The following DNAJA2 variants were observed in gnomAD, a reference collection of about 807,000 sequenced individuals.
DNAJA2 encodes the protein DnaJ heat shock protein family (Hsp40) member A2.
Under a neutral mutation model 49.3 loss-of-function variants are expected in DNAJA2, and 6 were observed. The ratio of observed to expected loss-of-function variants is 0.12; its 90% CI spans 0.07 to 0.24. The LOEUF is 0.24. DNAJA2 is among the 10% of genes least tolerant of loss of function. The pLI is 1.00. For synonymous variants in DNAJA2, 160 were observed against 172.7 expected, an observed-to-expected ratio of 0.93 and a Z score of 0.58; for missense variants, 347 against 516.8, an observed-to-expected ratio of 0.67 and a Z score of 3.19.
At chr16:46,970,207 G>C (rs1962024776) in intron 3 of DNAJA2, among the ~76,000 whole-genome samples, 1 of 152,200 alleles carries the variant, frequency 6.6e-6, no homozygotes, top group Admixed American at 6.5e-5. Context: ...TTTGCAAAGT[G>C]AAACAGCTAT....
At chr16:46,964,929 G>A (rs1961947426) in intron 5 of DNAJA2, 122 bp from the exon 6 acceptor site, 1 of 807,072 alleles carries the variant, frequency 1.2e-6, no homozygotes, top group African/African-American at 1.8e-5. Context: ...ATTCAAAGCA[G>A]CATTCTGAGG....
rs1364509558 is a variant in DNAJA2 at position 46,958,925 on chromosome 16, C to T, written c.1047+78G>A. The T allele has an allele frequency of 4.7e-6, 7 of 1,497,768 alleles. No individual in the cohort carries two copies. In the East Asian group the frequency reaches 1.6e-4, roughly 34 times the overall value. The allele number at this position is 1,497,768 out of a possible 1,614,324, so 92.8% of individuals were successfully genotyped here. The stretch of plus-strand genomic sequence containing the variant: ...CACCACTACACCCCAGCCTGGGTGA[C>T]AGAGACCCTGTCTAAAAAACCAAAA... On this transcript the variant is annotated intron_variant, in intron 8 of 8. Coordinates refer to ENST00000317089, the MANE Select transcript of DNAJA2 (RefSeq NM_005880.4).
chr16:46,956,770 AT>A lies in DNAJA2; in HGVS notation c.*258del. ...ACAGATACCAGGATTGAAACTTATA[AT>A]AATCCATGTGTGAAAGGGAGTCTTG... On this transcript the variant is annotated 3_prime_UTR_variant, in exon 9 of 9. Transcript: ENST00000317089. The A allele has an allele frequency of 2.8e-6, 1 of 362,054 alleles. No homozygotes were observed. Among genetic ancestry groups the A allele is most frequent in the Non-Finnish European group, 5.0e-6 (1 of 200,126 alleles). The allele number at this position is 362,054 out of a possible 1,614,324, so 22.4% of individuals were successfully genotyped here. A position where few individuals can be genotyped will look rare whatever the true frequency, so the allele number is the denominator to read the frequency against.
intron 8 of DNAJA2, 108 bp from the exon 9 acceptor site, chr16:46,957,328 T>C: frequency 9.5e-7 from 1 of 1,056,850 alleles, no homozygotes; most frequent in East Asian, 2.4e-5. Flanking sequence ...GGGCTGGGTG[T>C]GGTGGTTCAT....
chr16:46,971,132 C>A (rs1446546259), intron 3 of DNAJA2, among the ~76,000 whole-genome samples: 3 of 152,096 alleles, frequency 2.0e-5, no homozygotes, highest in Non-Finnish European at 4.4e-5. Flanking sequence ...AAACCACCTT[C>A]CTCTCATTAA....
At position 46,973,536 on chromosome 16, in the gene DNAJA2, G is replaced by A; in HGVS notation, c.37C>T (p.Leu13=). ...NVADTKLYDI[L]GVPPGASENE... ...TCGCTGGCGCCGGGCGGGACGCCCA[G>A]GATGTCGTACAGCTTCGTGTCAGCC... The change falls in exon 1 of 9, where the codon CTG becomes TTG. Residue 13 remains leucine, a synonymous_variant. Transcript: ENST00000317089. The A allele has an allele frequency of 6.2e-7, 1 of 1,603,006 alleles. No homozygotes were observed. The highest frequency in any genetic ancestry group is 8.5e-7 in the Non-Finnish European group (1 of 1,177,816).
chr16:46,961,200 C>T (rs748723047), intron 6 of DNAJA2, among the ~76,000 whole-genome samples: 2 of 151,654 alleles, frequency 1.3e-5, no homozygotes, highest in Non-Finnish European at 2.9e-5. Context: ...GTCATCATGG[C>T]GAAATTCTGT....
chr16:46,972,721 T>G (rs1962071747), intron 1 of DNAJA2: 1 of 152,264 alleles, frequency 6.6e-6, no homozygotes, highest in South Asian at 2.1e-4. Flanking sequence ...CTGTGGGGCT[T>G]AAATGCCTCG....
At chr16:46,963,849 GT>G (rs781026271) in intron 6 of DNAJA2, among the ~76,000 whole-genome samples, 1 of 152,150 alleles carries the variant, frequency 6.6e-6, no homozygotes, top group Non-Finnish European at 1.5e-5. Context: ...GAGCAGCAGA[GT>G]TTCACAGTGA....
chr16:46,971,048 AGAG>A (rs1285312017), intron 3 of DNAJA2, among the ~76,000 whole-genome samples: 4 of 141,200 alleles, frequency 2.8e-5, no homozygotes, highest in Non-Finnish European at 3.3e-5. Flanking sequence ...AAAAAAAAAA[AGAG>A]AGAGAGAGAA....
intron 7 of DNAJA2, 44 bp from the exon 8 acceptor site, chr16:46,959,174 G>A (rs1270442639): frequency 3.2e-6 from 5 of 1,575,278 alleles, no homozygotes; most frequent in Non-Finnish European, 4.3e-6. Context: ...CCCAAAAGAG[G>A]TGTTCAATTT....
intron 1 of DNAJA2, among the ~76,000 whole-genome samples, chr16:46,973,280 C>T (rs1266344403): frequency 6.6e-6 from 1 of 151,316 alleles, no homozygotes. Context: ...GCTGCATCTG[C>T]GGGCGGGCGG....
chr16:46,971,676 A>AAAAAAAAG (rs1555489367), intron 2 of DNAJA2, 104 bp from the exon 3 acceptor site: 2 of 984,246 alleles, frequency 2.0e-6, no homozygotes, highest in Non-Finnish European at 3.0e-6. Context: ...AAAAAAAAAA[A>AAAAAAAAG]GGGACAAGTT....
intron 8 of DNAJA2, chr16:46,958,680 A>G (rs1961851872): frequency 4.4e-6 from 1 of 225,854 alleles, no homozygotes; most frequent in Non-Finnish European, 8.6e-6. Flanking sequence ...TTGGGTGGCT[A>G]AGGCATGAGA....
intron 5 of DNAJA2, among the ~76,000 whole-genome samples, chr16:46,966,652 A>G (rs1268902098): frequency 5.3e-5 from 8 of 152,254 alleles, no homozygotes; most frequent in Non-Finnish European, 1.2e-4. Flanking sequence ...TGGCCATAAA[A>G]GCACTAAAAG....
chr16:46,965,837 A>G (rs953926223), intron 5 of DNAJA2, among the ~76,000 whole-genome samples: 1 of 151,760 alleles, frequency 6.6e-6, no homozygotes, highest in African/African-American at 2.4e-5. Context: ...TCTCACAAAA[A>G]AAAAAAAAAA....
At chr16:46,961,385 T>A (rs1961893220) in intron 6 of DNAJA2, among the ~76,000 whole-genome samples, 1 of 150,952 alleles carries the variant, frequency 6.6e-6, no homozygotes. Flanking sequence ...ATTTCAAAAA[T>A]AAAAACAAAA....
In DNAJA2 at chr16:46,956,340, A is replaced by G. The variant is rs1363457644; in HGVS notation, c.*689T>C. 1 of 152,118 alleles carries G rather than the reference A, an allele frequency of 6.6e-6. No homozygotes were observed. The highest frequency in any genetic ancestry group is 6.6e-5 in the Admixed American group (1 of 15,246). The allele number at this position is 152,118 out of a possible 1,614,324, so 9.4% of individuals were successfully genotyped here. A position where few individuals can be genotyped will look rare whatever the true frequency, so the allele number is the denominator to read the frequency against. ...GTTTAAGAACCAGTACTAAGGATAC[A>G]TTCTTTTATGTTTTTCCTTCTAAAA... On this transcript the variant is annotated 3_prime_UTR_variant, in exon 9 of 9. Coordinates refer to ENST00000317089, the MANE Select transcript of DNAJA2 (RefSeq NM_005880.4).
At chr16:46,959,733 T>A (rs1961868120) in intron 6 of DNAJA2, 3 of 220,708 alleles carry the variant, frequency 1.4e-5, no homozygotes, top group Non-Finnish European at 2.7e-5. Context: ...CTGCCTCTGG[T>A]GAAAAAGGTA....
Sources: gnomAD v4.1 joint callset for allele counts (sites outside exome capture counted in the v4.1 genomes callset) on GRCh38, gnomAD v4.1.1 for gene constraint, MANE v1.5 for transcripts, NCBI Gene and HGNC (gene_info 2026-07-23, HGNC 2026-07-21) for gene names.